SMAD3: variants seen among roughly 807,000 people sequenced by gnomAD.
SMAD3 encodes MAD homolog 3.
SMAD3 carries 12 observed loss-of-function variants against 51.8 expected under a neutral mutation model. The observed-to-expected ratio is 0.23, with a 90% CI of 0.15 to 0.38. The LOEUF (loss-of-function observed/expected upper bound fraction) is 0.38. Ranked by LOEUF, SMAD3 falls within the 10% of genes least tolerant of loss-of-function variation. The pLI is 1.00. For missense variants in SMAD3, 294 were observed against 565.6 expected, an observed-to-expected ratio of 0.52 and a Z score of 4.87; for synonymous variants, 238 against 227.7, an observed-to-expected ratio of 1.05 and a Z score of -0.41.
At chr15:67,085,445 A>G (rs1960367085) in intron 1 of SMAD3, among the ~76,000 whole-genome samples, 1 of 152,222 alleles carries the variant, frequency 6.6e-6, no homozygotes, top group Non-Finnish European at 1.5e-5. Flanking sequence ...CTTGCATTCA[A>G]AGAAATGACT....
intron 1 of SMAD3, among the ~76,000 whole-genome samples, chr15:67,154,115 G>T (rs1208871408): frequency 6.6e-6 from 1 of 152,164 alleles, no homozygotes; most frequent in Non-Finnish European, 1.5e-5. Flanking sequence ...ACTTGTCATG[G>T]ACCTGAGCCG....
At chr15:67,109,655 A>G (rs146062018) in intron 1 of SMAD3, among the ~76,000 whole-genome samples, 3 of 152,348 alleles carry the variant, frequency 2.0e-5, no homozygotes, top group Non-Finnish European at 4.4e-5. Context: ...AAAGAAGGAA[A>G]AGCGAGAGGG....
At chr15:67,071,791 G>A (rs1281439348) in intron 1 of SMAD3, among the ~76,000 whole-genome samples, 3 of 152,078 alleles carry the variant, frequency 2.0e-5, no homozygotes, top group Non-Finnish European at 4.4e-5. Flanking sequence ...CAGCCTGGGC[G>A]ACAGAGCGAG....
chr15:67,170,477 A>G (rs1436160306), intron 4 of SMAD3, 77 bp from the exon 5 acceptor site: 3 of 1,189,174 alleles, frequency 2.5e-6, no homozygotes, highest in African/African-American at 1.5e-5. Context: ...CCCCTCCTTG[A>G]TATGTAAGTG....
intron 1 of SMAD3, among the ~76,000 whole-genome samples, chr15:67,113,382 G>A (rs904210881): frequency 3.3e-5 from 5 of 151,842 alleles, no homozygotes; most frequent in Non-Finnish European, 5.9e-5. Context: ...AAGCCACTGC[G>A]CCCGGCCTTA....
chr15:67,142,141 A>C, intron 1 of SMAD3, among the ~76,000 whole-genome samples: 1 of 149,636 alleles, frequency 6.7e-6, no homozygotes, highest in Non-Finnish European at 1.5e-5. Flanking sequence ...CCTTTCCTAA[A>C]CTGTTAGATT....
intron 1 of SMAD3, among the ~76,000 whole-genome samples, chr15:67,153,932 C>A (rs1002691933): frequency 3.3e-5 from 5 of 152,236 alleles, no homozygotes; most frequent in African/African-American, 1.2e-4. Flanking sequence ...CCACCCATGG[C>A]CCTTGGGAGG....
intron 1 of SMAD3, among the ~76,000 whole-genome samples, chr15:67,160,164 T>C (rs1319833345): frequency 2.0e-5 from 3 of 152,246 alleles, no homozygotes; most frequent in Non-Finnish European, 4.4e-5. Flanking sequence ...CCTATAAATA[T>C]GTATAGCTAC....
intron 1 of SMAD3, among the ~76,000 whole-genome samples, chr15:67,096,053 G>A (rs911727858): frequency 2.6e-5 from 4 of 152,344 alleles, no homozygotes; most frequent in African/African-American, 9.6e-5. Flanking sequence ...GGCCCTGACA[G>A]TCCTGATGCT....
intron 1 of SMAD3, among the ~76,000 whole-genome samples, chr15:67,075,876 T>C (rs1488452674): frequency 6.6e-6 from 1 of 151,542 alleles, no homozygotes; most frequent in Admixed American, 6.6e-5. Context: ...GATCGCACCA[T>C]TGTACTCCAG....
chr15:67,127,350 G>T (rs1378316423), intron 1 of SMAD3, among the ~76,000 whole-genome samples: 1 of 152,178 alleles, frequency 6.6e-6, no homozygotes, highest in Admixed American at 6.5e-5. Flanking sequence ...TGACAGGCTT[G>T]ACACAGCTAG....
chr15:67,181,114 G>A (rs1159023186), intron 5 of SMAD3, 127 bp from the exon 6 acceptor site: 1 of 752,542 alleles, frequency 1.3e-6, no homozygotes, highest in Admixed American at 2.0e-5. Flanking sequence ...TAAAAGGCAT[G>A]GGGTAGGGAG....
At chr15:67,183,844 GT>G (rs1963148616) in intron 6 of SMAD3, among the ~76,000 whole-genome samples, 1 of 152,180 alleles carries the variant, frequency 6.6e-6, no homozygotes, top group African/African-American at 2.4e-5. Context: ...CCTCTGGAAT[GT>G]TTTAGAAAAA....
Position 67,191,972 on chromosome 15 carries a change from C to T in SMAD3, c.*1436C>T, listed in dbSNP as rs1963379542. The T allele has an allele frequency of 8.7e-6, 2 of 229,608 alleles. No individual in the cohort carries two copies. Among genetic ancestry groups the T allele is most frequent in the East Asian group, 1.2e-4 (2 of 16,156 alleles). 14.2% of individuals were successfully genotyped at this position (229,608 alleles called of 1,614,324 possible). On this transcript the variant is annotated 3_prime_UTR_variant, in exon 9 of 9. Coordinates refer to ENST00000327367, the MANE Select transcript of SMAD3 (RefSeq NM_005902.4). ...AAAAAGAGTCCTCTTCTTTTCCCAG[C>T]CTTTTGCAGAACACAGTAGACAGAA...
In SMAD3 at chr15:67,183,465, G is replaced by A. The variant is rs192148489; in HGVS notation, c.872-1262G>A. On this transcript the variant is annotated intron_variant, in intron 6 of 8. Coordinates refer to ENST00000327367, the MANE Select transcript of SMAD3 (RefSeq NM_005902.4). ...GGACAGCCAGGAAGTCATCCCTCCT[G>A]TGGACTCTGAGCCACCAGCACCCTG... Among the ~76,000 whole-genome samples the A allele has an allele frequency of 1.1e-3, 173 of 152,202 alleles. 1 individual carries two copies. The South Asian group carries it at 0.032, about 28-fold the overall frequency.
At chr15:67,115,802 A>G (rs1211059782) in intron 1 of SMAD3, among the ~76,000 whole-genome samples, 2 of 152,240 alleles carry the variant, frequency 1.3e-5, no homozygotes, top group South Asian at 4.1e-4. Flanking sequence ...CACAAGGGTA[A>G]CACTGCAAAT....
At chr15:67,188,587 G>A (rs546309831) in intron 8 of SMAD3, among the ~76,000 whole-genome samples, 1 of 152,312 alleles carries the variant, frequency 6.6e-6, no homozygotes, top group Non-Finnish European at 1.5e-5. Flanking sequence ...GCAGGGCTGT[G>A]TGCCCCCGCC....
intron 1 of SMAD3, among the ~76,000 whole-genome samples, chr15:67,093,948 G>A (rs2140216904): frequency 6.6e-6 from 1 of 152,352 alleles, no homozygotes; most frequent in African/African-American, 2.4e-5. Context: ...AGGAAGCCAA[G>A]GCTCTGAGAA....
At chr15:67,172,877 T>C (rs1356197085) in intron 5 of SMAD3, among the ~76,000 whole-genome samples, 1 of 152,080 alleles carries the variant, frequency 6.6e-6, no homozygotes, top group Non-Finnish European at 1.5e-5. Flanking sequence ...GACTTTTACG[T>C]TGGAGACGTA....
Sources: gnomAD v4.1 joint callset for allele counts (sites outside exome capture counted in the v4.1 genomes callset) on GRCh38, gnomAD v4.1.1 for gene constraint, MANE v1.5 for transcripts, NCBI Gene and HGNC (gene_info 2026-07-23, HGNC 2026-07-21) for gene names.